ZNF407: variants seen among roughly 807,000 people sequenced by gnomAD.
ZNF407 encodes zinc finger protein 407.
A neutral mutation model predicts 131.2 loss-of-function variants in ZNF407; 17 were observed. The observed-to-expected ratio is 0.13, with a 90% confidence interval of 0.09 to 0.19. ZNF407 has a LOEUF of 0.19. Ranked by LOEUF, ZNF407 falls within the 10% of genes least tolerant of loss-of-function variation. The pLI is 1.00. For synonymous variants in ZNF407, 1,156 were observed against 1,062.0 expected, an observed-to-expected ratio of 1.09 and a Z score of -1.72; for missense variants, 2,681 against 2,830.6, an observed-to-expected ratio of 0.95 and a Z score of 1.20.
chr18:74,715,654 A>G (rs770597350), intron 3 of ZNF407, among the ~76,000 whole-genome samples: 21 of 152,292 alleles, frequency 1.4e-4, no homozygotes, highest in Non-Finnish European at 2.4e-4. Context: ...CCCATACAAC[A>G]TTTTTTAAAA....
intron 3 of ZNF407, among the ~76,000 whole-genome samples, chr18:74,761,918 C>T (rs1969104584): frequency 6.6e-6 from 1 of 152,110 alleles, no homozygotes; most frequent in Non-Finnish European, 1.5e-5. Flanking sequence ...TCATGTGTAG[C>T]TTCTCCTCCA....
chr18:74,662,148 A>G (rs990745449), intron 3 of ZNF407, among the ~76,000 whole-genome samples: 1 of 151,446 alleles, frequency 6.6e-6, no homozygotes, highest in African/African-American at 2.4e-5. Context: ...CTATTCATTC[A>G]CTGATTCTGT....
At chr18:74,788,280 A>G (rs1969759095) in intron 4 of ZNF407, among the ~76,000 whole-genome samples, 1 of 152,226 alleles carries the variant, frequency 6.6e-6, no homozygotes, top group Non-Finnish European at 1.5e-5. Flanking sequence ...GAGTAAAACC[A>G]ATATTTTTCT....
intron 4 of ZNF407, among the ~76,000 whole-genome samples, chr18:74,831,968 G>T (rs771960990): frequency 6.6e-6 from 1 of 152,168 alleles, no homozygotes; most frequent in African/African-American, 2.4e-5. Flanking sequence ...TGACAAGCCC[G>T]CTGTCAGTCT....
At chr18:74,723,105 C>G (rs942580811) in intron 3 of ZNF407, among the ~76,000 whole-genome samples, 2 of 152,098 alleles carry the variant, frequency 1.3e-5, no homozygotes, top group Non-Finnish European at 2.9e-5. Context: ...AGTATTAAAG[C>G]CCTTGTAAAA....
chr18:75,013,163 A>G (rs1973002317), intron 8 of ZNF407, among the ~76,000 whole-genome samples: 1 of 152,134 alleles, frequency 6.6e-6, no homozygotes, highest in Non-Finnish European at 1.5e-5. Flanking sequence ...GGGAGTCAGG[A>G]TGCATATTTA....
At chr18:74,700,307 A>G (rs1458434639) in intron 3 of ZNF407, among the ~76,000 whole-genome samples, 1 of 152,202 alleles carries the variant, frequency 6.6e-6, no homozygotes, top group East Asian at 1.9e-4. Flanking sequence ...AAAGCCACCT[A>G]ACTAGTTTAC....
chr18:74,914,246 C>G (rs1339184868), intron 7 of ZNF407, among the ~76,000 whole-genome samples: 17 of 152,350 alleles, frequency 1.1e-4, no homozygotes. Flanking sequence ...AGGAGAGGTT[C>G]TTCCTCAGCG....
At chr18:74,863,081 C>T (rs567176157) in intron 4 of ZNF407, among the ~76,000 whole-genome samples, 12 of 151,904 alleles carry the variant, frequency 7.9e-5, no homozygotes, top group Admixed American at 3.3e-4. Flanking sequence ...CCACTACGCC[C>T]GGCTATTTTT....
chr18:75,037,606 G>A (rs1973324547), intron 8 of ZNF407, among the ~76,000 whole-genome samples: 1 of 152,010 alleles, frequency 6.6e-6, no homozygotes, highest in East Asian at 1.9e-4. Context: ...AAGCCCGTCC[G>A]TCTCAAGGGA....
At chr18:74,742,329 T>C (rs1968568419) in intron 3 of ZNF407, among the ~76,000 whole-genome samples, 1 of 152,180 alleles carries the variant, frequency 6.6e-6, no homozygotes. Context: ...ATTAACAATC[T>C]GGAAGAACTA....
intron 4 of ZNF407, among the ~76,000 whole-genome samples, chr18:74,808,645 T>C (rs1970149206): frequency 6.6e-6 from 1 of 152,220 alleles, no homozygotes; most frequent in East Asian, 1.9e-4. Context: ...GATTATTAGC[T>C]ATATTGCTTA....
intron 3 of ZNF407, among the ~76,000 whole-genome samples, chr18:74,778,272 G>T (rs575278870): frequency 6.6e-6 from 1 of 152,082 alleles, no homozygotes; most frequent in Non-Finnish European, 1.5e-5. Context: ...TTGAGACTCT[G>T]CCTTCAGAGG....
chr18:74,622,774 G>C (rs1448085024), intron 1 of ZNF407, among the ~76,000 whole-genome samples: 1 of 152,020 alleles, frequency 6.6e-6, no homozygotes, highest in Non-Finnish European at 1.5e-5. Context: ...GTGTGTGAGA[G>C]TGCGCGTGTC....
At chr18:74,836,903 C>T (rs1970567019) in intron 4 of ZNF407, among the ~76,000 whole-genome samples, 1 of 152,182 alleles carries the variant, frequency 6.6e-6, no homozygotes, top group African/African-American at 2.4e-5. Flanking sequence ...CCACCGACCC[C>T]ACTTGCCCTG....
chr18:74,734,037 T>C (rs1471692384), intron 3 of ZNF407, among the ~76,000 whole-genome samples: 1 of 152,146 alleles, frequency 6.6e-6, no homozygotes, highest in Non-Finnish European at 1.5e-5. Flanking sequence ...TCGGTAACTG[T>C]CAGAGGCCCA....
chr18:74,871,074 T>C (rs1186458227), intron 4 of ZNF407, among the ~76,000 whole-genome samples: 1 of 152,148 alleles, frequency 6.6e-6, no homozygotes, highest in South Asian at 2.1e-4. Context: ...ATTTTGTGAG[T>C]GTCTTCATTT....
intron 4 of ZNF407, among the ~76,000 whole-genome samples, chr18:74,807,485 A>C (rs1970128446): frequency 6.6e-6 from 1 of 152,174 alleles, no homozygotes; most frequent in Non-Finnish European, 1.5e-5. Flanking sequence ...TATGGTGCTC[A>C]AGTTCCCCTA....
At chr18:74,952,609 G>A (rs1194075020) in intron 8 of ZNF407, among the ~76,000 whole-genome samples, 2 of 152,202 alleles carry the variant, frequency 1.3e-5, no homozygotes, top group African/African-American at 4.8e-5. Flanking sequence ...GCAGGAAGGG[G>A]CTGGACGATT....
Sources: allele counts gnomAD v4.1 joint callset (sites outside exome capture counted in the v4.1 genomes callset), GRCh38; gene constraint gnomAD v4.1.1; transcripts MANE v1.5; gene names NCBI Gene and HGNC (gene_info 2026-07-23, HGNC 2026-07-21).